The following TIAM2 variants were observed in gnomAD, a reference collection of about 807,000 sequenced individuals.
TIAM2 encodes rho guanine nucleotide exchange factor TIAM2.
In TIAM2, 80 loss-of-function variants were observed where a neutral mutation model predicts 152.9. That is an observed-to-expected ratio of 0.52 (90% confidence interval 0.44 to 0.63). The LOEUF is 0.63. TIAM2 is among the 30% of genes least tolerant of loss of function. The pLI is 0.00. For missense variants in TIAM2, 1,965 were observed against 2,120.1 expected, an observed-to-expected ratio of 0.93 and a Z score of 1.44; for synonymous variants, 804 against 838.0, an observed-to-expected ratio of 0.96 and a Z score of 0.70.
chr6:155,126,347 T>C (rs1779295807), intron 2 of TIAM2, among the ~76,000 whole-genome samples: 1 of 152,012 alleles, frequency 6.6e-6, no homozygotes, highest in South Asian at 2.1e-4. Flanking sequence ...GGGTGCAGAG[T>C]TTCTGTTCTG....
chr6:155,036,581 A>ATTATTTAT (rs138150629), intron 1 of TIAM2, among the ~76,000 whole-genome samples: 1,655 of 143,802 alleles, frequency 0.012, 18 homozygotes, highest in East Asian at 0.041. Flanking sequence ...GTTTGGAGAA[A>ATTATTTAT]TTATTTATTT....
intron 15 of TIAM2, among the ~76,000 whole-genome samples, chr6:155,220,332 T>G (rs1035522706): frequency 3.9e-5 from 6 of 152,306 alleles, no homozygotes; most frequent in African/African-American, 1.4e-4. Flanking sequence ...GGGCCTGTGT[T>G]TTCTCTATTA....
chr6:155,012,654 G>T (rs1778509002), intron 1 of TIAM2, among the ~76,000 whole-genome samples: 1 of 152,146 alleles, frequency 6.6e-6, no homozygotes, highest in Non-Finnish European at 1.5e-5. Flanking sequence ...GGGTTCAAGC[G>T]ATTCTCCTGC....
chr6:155,164,244 A>G (rs1054987995), intron 7 of TIAM2, among the ~76,000 whole-genome samples, 171 bp from the exon 8 acceptor site: 8 of 150,176 alleles, frequency 5.3e-5, no homozygotes, highest in Non-Finnish European at 1.0e-4. Flanking sequence ...AAAGGACCCA[A>G]TGCATTTTGA....
intron 2 of TIAM2, among the ~76,000 whole-genome samples, chr6:155,097,570 G>A (rs117653417): frequency 0.012 from 1,826 of 152,238 alleles, 17 homozygotes; most frequent in Non-Finnish European, 0.015. Flanking sequence ...CACACACCTG[G>A]CCTCAAGCGA....
chr6:155,252,340 G>A lies in TIAM2; in HGVS notation c.4119+337G>A, dbSNP rs147826593. Among the ~76,000 whole-genome samples the A allele has an allele frequency of 4.1e-4, 63 of 152,216 alleles. 2 individuals are homozygous for A. Among genetic ancestry groups the A allele is most frequent in the African/African-American group, 1.4e-3 (57 of 41,528 alleles). ...TACAAGTAACTGGGTGTGGTAGCAC[G>A]TGCCTGTAGTCCCAGCTACTCGGGA... On this transcript the variant is annotated intron_variant, in intron 23 of 26. Coordinates refer to ENST00000682666, the MANE Select transcript of TIAM2 (RefSeq NM_012454.4).
chr6:155,062,743 T>G (rs1330398377), intron 1 of TIAM2, among the ~76,000 whole-genome samples: 1 of 151,982 alleles, frequency 6.6e-6, no homozygotes, highest in Non-Finnish European at 1.5e-5. Context: ...GCCCAGCTAA[T>G]TTTGTGTTTT....
intron 1 of TIAM2, among the ~76,000 whole-genome samples, chr6:155,041,128 C>T (rs1471386796): frequency 2.0e-5 from 3 of 152,042 alleles, no homozygotes; most frequent in Non-Finnish European, 2.9e-5. Context: ...GCTTCTTGGA[C>T]AAAGCCAGAA....
At chr6:155,067,131 C>T (rs1450163499) in intron 1 of TIAM2, among the ~76,000 whole-genome samples, 3 of 152,052 alleles carry the variant, frequency 2.0e-5, no homozygotes, top group African/African-American at 7.2e-5. Flanking sequence ...GTGGTACAGC[C>T]GCAGGATCGT....
At chr6:155,148,829 C>T (rs1392558568) in intron 7 of TIAM2, among the ~76,000 whole-genome samples, 4 of 152,142 alleles carry the variant, frequency 2.6e-5, no homozygotes, top group South Asian at 4.1e-4. Flanking sequence ...TTCTCTGCTG[C>T]GGTTCCATAT....
Position 155,129,513 on chromosome 6 carries a change from A to C in TIAM2, c.290A>C (p.Asn97Thr), listed in dbSNP as rs924910598. The change falls in exon 4 of 27, where the codon AAT becomes ACT. Residue 97 changes from asparagine to threonine, a missense_variant. Transcript: ENST00000682666. This position sits in a 1 kb window ranked among gnomAD's most constrained non-coding sequence, Gnocchi z 4.8. ...GTTGCCTACTCCACGCACAGGACAA[A>C]TGCCCCAGGGAAGGATTTCCAGGGC... ...RGVAYSTHRT[N>T]APGKDFQGIS... is the part of the protein sequence containing the mutation. 5.0e-6 allele frequency: 8 copies of C among 1,614,014 alleles called. No homozygotes were observed. Among genetic ancestry groups the C allele is most frequent in the South Asian group, 3.3e-5 (3 of 91,092 alleles).
chr6:155,220,286 G>T (rs1347620148), intron 15 of TIAM2, among the ~76,000 whole-genome samples: 1 of 152,250 alleles, frequency 6.6e-6, no homozygotes, highest in Non-Finnish European at 1.5e-5. Flanking sequence ...ACGAGACTTT[G>T]GCTGGGGCTC....
intron 5 of TIAM2, among the ~76,000 whole-genome samples, 172 bp from the exon 6 acceptor site, chr6:155,144,434 C>T (rs117312895): frequency 0.01 from 1,552 of 152,332 alleles, 19 homozygotes; most frequent in Middle Eastern, 0.061. Context: ...CATTCAAGTT[C>T]ATTCTGATAC....
intron 1 of TIAM2, among the ~76,000 whole-genome samples, chr6:155,051,825 AG>A (rs1777325584): frequency 6.6e-6 from 1 of 151,780 alleles, no homozygotes; most frequent in African/African-American, 2.4e-5. Context: ...TTTTTATTAG[AG>A]ACGGGGTTTC....
intron 1 of TIAM2, among the ~76,000 whole-genome samples, chr6:155,001,067 T>TCAGTGGTAA (rs1258470630): frequency 1.3e-5 from 2 of 152,088 alleles, no homozygotes; most frequent in African/African-American, 4.8e-5. Context: ...AGAAAGAAAG[T>TCAGTGGTAA]CAGTGGTAAC....
chr6:155,129,310 C>G lies in TIAM2; in HGVS notation c.87C>G (p.Ser29=). 6.2e-7 allele frequency: 1 copy of G among 1,614,158 alleles called. No homozygotes were observed. The highest frequency in any genetic ancestry group is 8.5e-7 in the Non-Finnish European group (1 of 1,180,038). The change falls in exon 4 of 27, where the codon TCC becomes TCG. Residue 29 remains serine, a synonymous_variant. Transcript: ENST00000682666. The surrounding 1 kb of genome is among the most constrained non-coding windows in gnomAD (Gnocchi z 4.8). ...CTGGTGCTAAGCAAATTCCTTGCTC[C>G]CTGAAAATACGTGGCATTCATGCAA... ...TITGAKQIPC[S]LKIRGIHAKE... is the part of the protein sequence containing the mutation.
At chr6:155,104,615 G>A (rs1778637955) in intron 2 of TIAM2, among the ~76,000 whole-genome samples, 1 of 152,046 alleles carries the variant, frequency 6.6e-6, no homozygotes, top group South Asian at 2.1e-4. Context: ...AAATTAGCTG[G>A]GCGTGGTGGC....
At chr6:155,255,597 T>C (rs1413979373) in intron 26 of TIAM2, 2 of 148,278 alleles carry the variant, frequency 1.3e-5, no homozygotes, top group Non-Finnish European at 3.0e-5. Flanking sequence ...CTTCCTTCTT[T>C]CAATCCAAGA....
rs949222091 is a variant in TIAM2 at position 155,129,582 on chromosome 6, G to T, written c.359G>T (p.Gly120Val). The change falls in exon 4 of 27, where the codon GGC becomes GTC. Residue 120 changes from glycine (G) to valine (V), a missense_variant. Coordinates refer to ENST00000682666, the MANE Select transcript of TIAM2 (RefSeq NM_012454.4). The surrounding 1 kb of genome is among the most constrained non-coding windows in gnomAD (Gnocchi z 4.8). Reference protein sequence around the residue: ...FSTENGFHSVGHELADNHITS... With the variant: ...FSTENGFHSVVHELADNHITS... Reference sequence around the variant, plus strand: ...ACTGAGAATGGCTTCCACTCTGTTGGCCACGAGCTGGCAGATAACCACATC... The same window carrying T: ...ACTGAGAATGGCTTCCACTCTGTTGTCCACGAGCTGGCAGATAACCACATC... 2 of 1,614,086 alleles carry T rather than the reference G, an allele frequency of 1.2e-6. No individual in the cohort carries two copies. The highest frequency in any genetic ancestry group is 8.5e-7 in the Non-Finnish European group (1 of 1,180,028).
Sources: allele counts gnomAD v4.1 joint callset (sites outside exome capture counted in the v4.1 genomes callset), GRCh38; gene constraint gnomAD v4.1.1; non-coding constraint Gnocchi (gnomAD v3.1); transcripts MANE v1.5; gene names NCBI Gene and HGNC (gene_info 2026-07-23, HGNC 2026-07-21).